PDZRN4: variants seen among roughly 807,000 people sequenced by gnomAD.
The protein encoded by PDZRN4 is PDZ domain containing ring finger 4, also known as PDZ domain-containing RING finger protein 4.
Under a neutral mutation model 99.0 loss-of-function variants are expected in PDZRN4, and 70 were observed. The observed-to-expected ratio is 0.71, with a 90% CI of 0.58 to 0.86. PDZRN4 has a LOEUF of 0.86. PDZRN4 is among the 40% of genes least tolerant of loss of function. The probability of loss-of-function intolerance (pLI) is 0.00; values close to 1 mark genes in which losing one functional copy is unlikely to be tolerated. For synonymous variants in PDZRN4, 551 were observed against 501.6 expected, an observed-to-expected ratio of 1.10 and a Z score of -1.32; for missense variants, 1,474 against 1,331.2, an observed-to-expected ratio of 1.11 and a Z score of -1.67.
chr12:41,325,270 T>G (rs1234964320), intron 3 of PDZRN4, among the ~76,000 whole-genome samples: 1 of 152,164 alleles, frequency 6.6e-6, no homozygotes, highest in Admixed American at 6.5e-5. Context: ...TTAGCAAAAC[T>G]TATGTTAGAA....
chr12:41,252,665 G>A (rs1008365910), intron 3 of PDZRN4, among the ~76,000 whole-genome samples: 64 of 152,038 alleles, frequency 4.2e-4, no homozygotes, highest in African/African-American at 1.4e-3. Flanking sequence ...GCTTGAACCC[G>A]GGAGGTGGAG....
chr12:41,224,125 T>G (rs1344917976), intron 3 of PDZRN4, among the ~76,000 whole-genome samples: 2 of 152,170 alleles, frequency 1.3e-5, no homozygotes, highest in Admixed American at 1.3e-4. Context: ...ATCTGAGAGG[T>G]CACCCATAGG....
At chr12:41,235,894 A>G (rs1175032874) in intron 3 of PDZRN4, among the ~76,000 whole-genome samples, 1 of 152,216 alleles carries the variant, frequency 6.6e-6, no homozygotes, top group African/African-American at 2.4e-5. Flanking sequence ...TTCCAAATGT[A>G]TAACACTCAT....
At chr12:41,200,140 A>C (rs1950804509) in intron 3 of PDZRN4, among the ~76,000 whole-genome samples, 1 of 152,188 alleles carries the variant, frequency 6.6e-6, no homozygotes, top group African/African-American at 2.4e-5. Context: ...ATTACAAATC[A>C]TTAAATCGAG....
chr12:41,197,920 GT>G (rs533696414), intron 3 of PDZRN4, among the ~76,000 whole-genome samples: 17 of 115,592 alleles, frequency 1.5e-4, no homozygotes, highest in Admixed American at 1.9e-4. Context: ...TTTTTTCTGG[GT>G]TTTTTTTTTT....
chr12:41,421,226 A>T (rs1304834582), intron 3 of PDZRN4, among the ~76,000 whole-genome samples: 2 of 152,066 alleles, frequency 1.3e-5, no homozygotes, highest in African/African-American at 4.8e-5. Flanking sequence ...CTTTTGAGAC[A>T]GAATCTTGCT....
chr12:41,216,558 A>G (rs1950922327), intron 3 of PDZRN4, among the ~76,000 whole-genome samples: 1 of 152,036 alleles, frequency 6.6e-6, no homozygotes, highest in African/African-American at 2.4e-5. Flanking sequence ...TAAATTAACT[A>G]TTTTTATTTA....
At chr12:41,543,694 G>A (rs1248151071) in intron 5 of PDZRN4, among the ~76,000 whole-genome samples, 1 of 152,030 alleles carries the variant, frequency 6.6e-6, no homozygotes, top group Admixed American at 6.6e-5. Flanking sequence ...ATATATTGTG[G>A]CATGATAAAG....
chr12:41,340,713 G>A (rs1199869098), intron 3 of PDZRN4, among the ~76,000 whole-genome samples: 1 of 151,488 alleles, frequency 6.6e-6, no homozygotes, highest in Non-Finnish European at 1.5e-5. Flanking sequence ...AATCTATGTT[G>A]CTACAACATA....
chr12:41,378,851 A>C (rs1420931585), intron 3 of PDZRN4, among the ~76,000 whole-genome samples: 1 of 152,116 alleles, frequency 6.6e-6, no homozygotes, highest in Non-Finnish European at 1.5e-5. Flanking sequence ...GGAGAAGCTT[A>C]AGAAGAATTG....
intron 3 of PDZRN4, among the ~76,000 whole-genome samples, chr12:41,387,824 C>T (rs186111775): frequency 8.5e-5 from 13 of 152,300 alleles, no homozygotes; most frequent in Non-Finnish European, 1.2e-4. Context: ...TATACACTGA[C>T]GGTGTTGGAG....
At chr12:41,561,975 C>T (rs907497733) in intron 7 of PDZRN4, among the ~76,000 whole-genome samples, 2 of 152,110 alleles carry the variant, frequency 1.3e-5, no homozygotes, top group African/African-American at 2.4e-5. Context: ...GGAGTCAGTA[C>T]ACACATACTT....
In PDZRN4 at chr12:41,352,512, T is replaced by C. The variant is rs895596568; in HGVS notation, c.844-153944T>C. ...AACTTATTGTTGTCAATTCTTTCAC[T>C]CTATGTATTCCAGAACTTCTGTTAC... is the stretch of plus-strand genomic sequence containing the variant. On this transcript the variant is annotated intron_variant, in intron 3 of 9. Coordinates refer to ENST00000402685, the MANE Select transcript of PDZRN4 (RefSeq NM_001164595.2). Among the ~76,000 whole-genome samples the C allele has an allele frequency of 2.6e-5, 4 of 152,256 alleles. No individual in the cohort carries two copies. The South Asian group carries it at 8.3e-4, about 32-fold the overall frequency.
intron 3 of PDZRN4, among the ~76,000 whole-genome samples, chr12:41,344,717 T>C (rs189176028): frequency 1.6e-3 from 245 of 149,174 alleles, no homozygotes; most frequent in Admixed American, 9.4e-3. Flanking sequence ...TAATAATTAA[T>C]TTTTCATTTT....
intron 3 of PDZRN4, among the ~76,000 whole-genome samples, chr12:41,246,016 C>G (rs897594670): frequency 6.6e-6 from 1 of 152,172 alleles, no homozygotes; most frequent in African/African-American, 2.4e-5. Flanking sequence ...CAAAAGCCAT[C>G]TGAGATTTTA....
In PDZRN4 at chr12:41,573,412, A is replaced by C; in HGVS notation, c.2633A>C (p.Glu878Ala). The C allele has an allele frequency of 6.2e-7, 1 of 1,613,708 alleles. No homozygotes were observed. Among genetic ancestry groups the C allele is most frequent in the Non-Finnish European group, 8.5e-7 (1 of 1,180,004 alleles). Residue 878 changes from glutamate to alanine, a missense_variant, in exon 10 of 10, where the codon GAG becomes GCG. By Grantham distance (107) the Glu-to-Ala change is moderately radical. Transcript: ENST00000402685. ...SQLSLVSMCK[E>A]SQKCSEPKME... is the part of the protein sequence containing the mutation. Reference sequence around the variant, plus strand: ...CTCAGCTTGGTGAGCATGTGCAAGGAGTCTCAGAAGTGTTCAGAGCCCAAG... The same window carrying C: ...CTCAGCTTGGTGAGCATGTGCAAGGCGTCTCAGAAGTGTTCAGAGCCCAAG...
At chr12:41,200,389 A>G (rs911079148) in intron 3 of PDZRN4, among the ~76,000 whole-genome samples, 1 of 152,164 alleles carries the variant, frequency 6.6e-6, no homozygotes, top group Non-Finnish European at 1.5e-5. Flanking sequence ...TTATTAATAA[A>G]CATTGTTTTA....
At chr12:41,351,263 C>G (rs1286277387) in intron 3 of PDZRN4, among the ~76,000 whole-genome samples, 1 of 151,916 alleles carries the variant, frequency 6.6e-6, no homozygotes, top group Middle Eastern at 3.2e-3. Context: ...CTAAGCAAAG[C>G]AAAACCAAGG....
rs745858315 is a variant in PDZRN4, at chr12:41,572,651, T to G, written c.1872T>G (p.Cys624Trp). 2 of 1,614,130 alleles carry G rather than the reference T, an allele frequency of 1.2e-6. No individual in the cohort carries two copies. Among genetic ancestry groups the G allele is most frequent in the South Asian group, 2.2e-5 (2 of 91,070 alleles). ...SDCIGNPDED[C>W]ERFRQLLELK... Reference sequence around the variant, plus strand: ...GCATTGGCAACCCAGATGAGGACTGTGAAAGATTCAGGCAGCTCTTGGAGC... The same window carrying G: ...GCATTGGCAACCCAGATGAGGACTGGGAAAGATTCAGGCAGCTCTTGGAGC... The change falls in exon 10 of 10, where the codon TGT (cysteine) becomes TGG (tryptophan). Residue 624 changes from cysteine (C) to tryptophan (W), a missense_variant. Physicochemically the swap from Cys to Trp is radical, Grantham distance 215 (BLOSUM62 -2). Coordinates refer to ENST00000402685, the MANE Select transcript of PDZRN4 (RefSeq NM_001164595.2).
Sources: gnomAD v4.1 joint callset for allele counts (sites outside exome capture counted in the v4.1 genomes callset) on GRCh38, gnomAD v4.1.1 for gene constraint, MANE v1.5 for transcripts, NCBI Gene and HGNC (gene_info 2026-07-23, HGNC 2026-07-21) for gene names.